Variants in KCNK12 observed in about 807,000 individuals in gnomAD.
KCNK12 encodes potassium channel subfamily K member 12.
Under a neutral mutation model 25.3 loss-of-function variants are expected in KCNK12, and 6 were observed. That is an observed-to-expected ratio of 0.24 (90% CI 0.13 to 0.47). KCNK12 has a LOEUF of 0.47. KCNK12 is among the 20% of genes least tolerant of loss of function. The pLI, the probability that KCNK12 is intolerant of heterozygous loss-of-function variation, is 0.99. For synonymous variants in KCNK12, 331 were observed against 311.1 expected (o/e 1.06, Z -0.67); for missense variants, 444 against 661.7 (o/e 0.67, Z 3.61).
In KCNK12 at chr2:47,509,855, A is replaced by G. The variant is rs890639058; in HGVS notation, c.*11052T>C. Among the ~76,000 whole-genome samples the G allele has an allele frequency of 2.6e-5, 4 of 151,744 alleles. No individual in the cohort carries two copies. The highest frequency in any genetic ancestry group is 9.7e-5 in the African/African-American group (4 of 41,280). On this transcript the variant is annotated 3_prime_UTR_variant, in exon 2 of 2. Coordinates refer to ENST00000327876, the MANE Select transcript of KCNK12 (RefSeq NM_022055.2). ...CCCCACTCCCCAACCTGAGGCATGCACCCTCCCTTAGATCAATGGCTGTTT... is the reference window on the plus strand; with the variant it reads ...CCCCACTCCCCAACCTGAGGCATGCGCCCTCCCTTAGATCAATGGCTGTTT...
chr2:47,534,955 G>A, intron 1 of KCNK12: 1 of 224,118 alleles, frequency 4.5e-6, no homozygotes. Context: ...CCCTCTCAAT[G>A]AATTCAGTTT....
In KCNK12 at chr2:47,511,885, G is replaced by T. The variant is rs565986687; in HGVS notation, c.*9022C>A. 6.6e-6 allele frequency among the ~76,000 whole-genome samples: 1 copy of T among 152,334 alleles called. No individual in the cohort carries two copies. The highest frequency in any genetic ancestry group is 2.1e-4 in the South Asian group (1 of 4,826). On this transcript the variant is annotated 3_prime_UTR_variant, in exon 2 of 2. Transcript: ENST00000327876. This position sits in a 1 kb window ranked among gnomAD's most constrained non-coding sequence, Gnocchi z 4.3. ...GTGGCTATTGAACACTTGAAATGGG[G>T]TTAGTGCAATTGACGAGCTGAAAAT... is the stretch of plus-strand genomic sequence containing the variant.
Position 47,514,183 on chromosome 2 carries a change from C to T in KCNK12, c.*6724G>A, listed in dbSNP as rs975485725. ...CTGGGCCACTCTTCCTGCTCCTTGTCAGCAGGCTTGCTGCTCTCAGGCTCA... is the reference window on the plus strand; with the variant it reads ...CTGGGCCACTCTTCCTGCTCCTTGTTAGCAGGCTTGCTGCTCTCAGGCTCA... On this transcript the variant is annotated 3_prime_UTR_variant, in exon 2 of 2. Transcript: ENST00000327876. The surrounding 1 kb of genome is among the most constrained non-coding windows in gnomAD (Gnocchi z 5.0). 6.6e-6 allele frequency among the ~76,000 whole-genome samples: 1 copy of T among 152,206 alleles called. No individual in the cohort carries two copies. Among genetic ancestry groups the T allele is most frequent in the South Asian group, 2.1e-4 (1 of 4,830 alleles).
Position 47,521,199 on chromosome 2 carries a change from G to C in KCNK12, c.1001C>G (p.Ala334Gly). 6.6e-7 allele frequency: 1 copy of C among 1,525,734 alleles called. No individual in the cohort carries two copies. The allele number at this position is 1,525,734 out of a possible 1,614,324, so 94.5% of individuals were successfully genotyped here. A position where few individuals can be genotyped will look rare whatever the true frequency, so the allele number is the denominator to read the frequency against. ...GCGCAGCCGGGAGCCTGGGGTGATG[G>C]CATTGCGCCGGGCCAGGGGCGCGCC... ...APGAPLARRN[A>G]ITPGSRLRRR... The change falls in exon 2 of 2, where the codon GCC (alanine) becomes GGC (glycine). Residue 334 changes from alanine (A) to glycine (G), a missense_variant. By Grantham distance (60) the Ala-to-Gly change is moderately conservative. Transcript: ENST00000327876.
At chr2:47,534,515 A>AACCCCCCCCC (rs1558553053) in intron 1 of KCNK12, among the ~76,000 whole-genome samples, 1 of 48,162 alleles carries the variant, frequency 2.1e-5, no homozygotes, top group Non-Finnish European at 3.7e-5. Flanking sequence ...GCCCCTTCTA[A>AACCCCCCCCC]CCCCCCCCCC....
intron 1 of KCNK12, among the ~76,000 whole-genome samples, chr2:47,542,519 C>T (rs1669222612): frequency 6.6e-6 from 1 of 152,242 alleles, no homozygotes; most frequent in Non-Finnish European, 1.5e-5. Context: ...TGCTCCCTTT[C>T]ATGGGAGCTC....
rs1286642917 is a variant in KCNK12 at position 47,529,448 on chromosome 2, A to G, written c.392-7640T>C. 6.6e-6 allele frequency among the ~76,000 whole-genome samples: 1 copy of G among 152,216 alleles called. No homozygotes were observed. The highest frequency in any genetic ancestry group is 1.5e-5 in the Non-Finnish European group (1 of 68,034). On this transcript the variant is annotated intron_variant, in intron 1 of 1. Transcript: ENST00000327876. The surrounding 1 kb of genome is among the most constrained non-coding windows in gnomAD (Gnocchi z 4.3). The stretch of plus-strand genomic sequence containing the variant: ...ATTCCAGATGACCCTATTGGTTGGA[A>G]TCTGTCCAACTACAAATATTTTGAT...
rs1180567041 is a variant in KCNK12, at chr2:47,512,481, C to T, written c.*8426G>A. 6.5e-7 allele frequency: 1 copy of T among 1,535,830 alleles called. No homozygotes were observed. Among genetic ancestry groups the T allele is most frequent in the South Asian group, 1.2e-5 (1 of 80,412 alleles). ...GTTAAGTTTTTCATTTGTAATTCTA[C>T]AAACATCCCTTCTGTAAACATTTCC... On this transcript the variant is annotated 3_prime_UTR_variant, in exon 2 of 2. Coordinates refer to ENST00000327876, the MANE Select transcript of KCNK12 (RefSeq NM_022055.2).
rs11674619 is a variant in KCNK12, at chr2:47,555,035, G to A, written c.391+14906C>T. Among the ~76,000 whole-genome samples, 36,686 of 152,164 alleles carry A rather than the reference G, an allele frequency of 0.24. 6,353 individuals are homozygous for A. Among genetic ancestry groups the A allele is most frequent in the African/African-American group, 0.49 (20,377 of 41,478 alleles). ...ACCAAGGAGCAGGAACAGCTTGTGA[G>A]GGGAACAGTCAAGAGTGGGATATAG... On this transcript the variant is annotated intron_variant, in intron 1 of 1. Coordinates refer to ENST00000327876, the MANE Select transcript of KCNK12 (RefSeq NM_022055.2). The surrounding 1 kb of genome is among the most constrained non-coding windows in gnomAD (Gnocchi z 4.5).
At position 47,524,341 on chromosome 2, in the gene KCNK12, G is replaced by A. The variant is rs549264710; in HGVS notation, c.392-2533C>T. Among the ~76,000 whole-genome samples, 9 of 152,230 alleles carry A rather than the reference G, an allele frequency of 5.9e-5. No homozygotes were observed. In the South Asian group the frequency reaches 1.5e-3, roughly 25 times the overall value. Reference sequence around the variant, plus strand: ...TGTCTAACAACACAACTAAATGATTGTCTATTCATAAAAAGGAAAACTATA... The same window carrying A: ...TGTCTAACAACACAACTAAATGATTATCTATTCATAAAAAGGAAAACTATA... On this transcript the variant is annotated intron_variant, in intron 1 of 1. Coordinates refer to ENST00000327876, the MANE Select transcript of KCNK12 (RefSeq NM_022055.2).
Position 47,525,313 on chromosome 2 carries a change from C to G in KCNK12, c.392-3505G>C, listed in dbSNP as rs1392414225. On this transcript the variant is annotated intron_variant, in intron 1 of 1. Coordinates refer to ENST00000327876, the MANE Select transcript of KCNK12 (RefSeq NM_022055.2). The surrounding 1 kb of genome is among the most constrained non-coding windows in gnomAD (Gnocchi z 4.1). ...TGCTGTGGATTCTTTCACTCACCCCCAGGCCAGGGGATGGTTGGAGCAGGG... is the reference window on the plus strand; with the variant it reads ...TGCTGTGGATTCTTTCACTCACCCCGAGGCCAGGGGATGGTTGGAGCAGGG... Among the ~76,000 whole-genome samples, 1 of 152,202 alleles carries G rather than the reference C, an allele frequency of 6.6e-6. No individual in the cohort carries two copies. The highest frequency in any genetic ancestry group is 2.4e-5 in the African/African-American group (1 of 41,438).
rs547622769 is a variant in KCNK12, at chr2:47,570,739, C to T, written c.-408G>A. On this transcript the variant is annotated 5_prime_UTR_variant, in exon 1 of 2. Transcript: ENST00000327876. ...GGCCGCGGGCTGCGGGCGGGGTGGG[C>T]CGTGGATCCCGGGCGCCTAGGACCG... 2.5e-3 allele frequency: 381 copies of T among 152,778 alleles called. No homozygotes were observed. The highest frequency in any genetic ancestry group is 0.014 in the Middle Eastern group (4 of 294). The allele number at this position is 152,778 out of a possible 1,614,324, so 9.5% of individuals were successfully genotyped here. A position where few individuals can be genotyped will look rare whatever the true frequency, so the allele number is the denominator to read the frequency against.
At chr2:47,544,255 C>A (rs1278048154) in intron 1 of KCNK12, among the ~76,000 whole-genome samples, 1 of 152,220 alleles carries the variant, frequency 6.6e-6, no homozygotes, top group Non-Finnish European at 1.5e-5. Context: ...CCAAAGGAAC[C>A]CTCCCATACA....
intron 1 of KCNK12, 73 bp from the exon 2 acceptor site, chr2:47,521,881 T>TCATCGGTGGGGGGGGGGGGGGGGGGG: frequency 4.7e-6 from 1 of 212,176 alleles, no homozygotes; most frequent in Non-Finnish European, 7.7e-6. Context: ...GTGGGGGGTG[T>TCATCGGTGGGGGGGGGGGGGGGGGGG]GGGGGCGGGG....
rs1668380617 is a variant in KCNK12, at chr2:47,510,755, C to G, written c.*10152G>C. 1 of 152,220 alleles carries G rather than the reference C, an allele frequency of 6.6e-6. No homozygotes were observed. Among genetic ancestry groups the G allele is most frequent in the African/African-American group, 2.4e-5 (1 of 41,444 alleles). The allele number at this position is 152,220 out of a possible 1,614,324, so 9.4% of individuals were successfully genotyped here. A position where few individuals can be genotyped will look rare whatever the true frequency, so the allele number is the denominator to read the frequency against. On this transcript the variant is annotated 3_prime_UTR_variant, in exon 2 of 2. Transcript: ENST00000327876. ...AAGATGGTGTACAGGAGAAACAGGT[C>G]TATTAACCCTGGTATTAATATTAAC...
At position 47,513,446 on chromosome 2, in the gene KCNK12, T is replaced by A. The variant is rs1017480372; in HGVS notation, c.*7461A>T. Among the ~76,000 whole-genome samples the A allele has an allele frequency of 1.8e-4, 28 of 152,196 alleles. No homozygotes were observed. The highest frequency in any genetic ancestry group is 2.6e-4 in the Non-Finnish European group (18 of 68,028). On this transcript the variant is annotated 3_prime_UTR_variant, in exon 2 of 2. Transcript: ENST00000327876. Reference sequence around the variant, plus strand: ...CTCCCATATCTCTGACCCTCTTTCCTTAGTCTTTTTTCTTCTTCCTCCTGT... The same window carrying A: ...CTCCCATATCTCTGACCCTCTTTCCATAGTCTTTTTTCTTCTTCCTCCTGT...
Position 47,562,199 on chromosome 2 carries a change from G to A in KCNK12, c.391+7742C>T, listed in dbSNP as rs1265509066. ...AAACTACTTGGTAAGCAGATTCCCAGGTGGTTCCAGGCACCTTACAGTTTG... is the reference window on the plus strand; with the variant it reads ...AAACTACTTGGTAAGCAGATTCCCAAGTGGTTCCAGGCACCTTACAGTTTG... On this transcript the variant is annotated intron_variant, in intron 1 of 1. Coordinates refer to ENST00000327876, the MANE Select transcript of KCNK12 (RefSeq NM_022055.2). The surrounding 1 kb of genome is among the most constrained non-coding windows in gnomAD (Gnocchi z 4.8). 2.5e-6 allele frequency: 1 copy of A among 398,436 alleles called. No individual in the cohort carries two copies. Among genetic ancestry groups the A allele is most frequent in the Non-Finnish European group, 4.4e-6 (1 of 226,084 alleles). The allele number at this position is 398,436 out of a possible 1,614,324, so 24.7% of individuals were successfully genotyped here.
Position 47,557,191 on chromosome 2 carries a change from C to CT in KCNK12, c.391+12749dup, listed in dbSNP as rs1669567510. On this transcript the variant is annotated intron_variant, in intron 1 of 1. Coordinates refer to ENST00000327876, the MANE Select transcript of KCNK12 (RefSeq NM_022055.2). The surrounding 1 kb of genome is among the most constrained non-coding windows in gnomAD (Gnocchi z 4.9). The stretch of plus-strand genomic sequence containing the variant: ...TTGTAAGACTTTTAAGAGGTGAGAA[C>CT]TTTAAGAGGTGATTGGATCATGTGG... Among the ~76,000 whole-genome samples, 1 of 152,178 alleles carries CT rather than the reference C, an allele frequency of 6.6e-6. No homozygotes were observed. Among genetic ancestry groups the CT allele is most frequent in the African/African-American group, 2.4e-5 (1 of 41,456 alleles).
rs117968957 is a variant in KCNK12, at chr2:47,545,599, G to C, written c.392-23791C>G. Among the ~76,000 whole-genome samples the C allele has an allele frequency of 5.1e-4, 78 of 152,302 alleles. 1 individual carries two copies. The East Asian group carries it at 0.014, about 28-fold the overall frequency. On this transcript the variant is annotated intron_variant, in intron 1 of 1. Transcript: ENST00000327876. ...CTAGCTGTGGAGTCAGGGACACCTG[G>C]GCTAGAATCTCAGCTCTGTCACTTG...
Sources: allele counts gnomAD v4.1 joint callset (sites outside exome capture counted in the v4.1 genomes callset), GRCh38; gene constraint gnomAD v4.1.1; non-coding constraint Gnocchi (gnomAD v3.1); transcripts MANE v1.5; gene names NCBI Gene and HGNC (gene_info 2026-07-23, HGNC 2026-07-21).